CPED1: variants seen among roughly 807,000 people sequenced by gnomAD.
CPED1 encodes the protein cadherin-like and PC-esterase domain-containing protein 1.
Under a neutral mutation model 128.2 loss-of-function variants are expected in CPED1, and 114 were observed. The ratio of observed to expected loss-of-function variants is 0.89; its 90% CI spans 0.76 to 1.04. The LOEUF (loss-of-function observed/expected upper bound fraction) is 1.04. Among genes scored for constraint, CPED1 ranks in the 50% least tolerant of loss-of-function variants. CPED1 has a pLI of 0.00. For synonymous variants in CPED1, 462 were observed against 426.7 expected, an observed-to-expected ratio of 1.08 and a Z score of -1.02; for missense variants, 1,211 against 1,207.1, an observed-to-expected ratio of 1.00 and a Z score of -0.05.
At position 121,153,586 on chromosome 7, in the gene CPED1, A is replaced by G. The variant is rs546414071; in HGVS notation, c.2055+11445A>G. 5.3e-5 allele frequency among the ~76,000 whole-genome samples: 8 copies of G among 152,354 alleles called. No homozygotes were observed. In the South Asian group the frequency reaches 1.7e-3, roughly 32 times the overall value. On this transcript the variant is annotated intron_variant, in intron 16 of 22. Coordinates refer to ENST00000310396, the MANE Select transcript of CPED1 (RefSeq NM_024913.5). ...TTAATAACTCCCATTTCACAGATGA[A>G]TAAAAGGAGGCACAAAGAACTTGCC...
At position 121,167,822 on chromosome 7, in the gene CPED1, C is replaced by T. The variant is rs184790514; in HGVS notation, c.2055+25681C>T. ...TCTCGGCCCACTGCAAGCTCTGCCT[C>T]CCGGGTTCACGCCATTCTCCTGCCT... On this transcript the variant is annotated intron_variant, in intron 16 of 22. Transcript: ENST00000310396. Among the ~76,000 whole-genome samples, 474 of 150,038 alleles carry T rather than the reference C, an allele frequency of 3.2e-3. 1 individual carries two copies. The highest frequency in any genetic ancestry group is 0.011 in the African/African-American group (452 of 40,738).
intron 16 of CPED1, among the ~76,000 whole-genome samples, chr7:121,203,068 C>A (rs1797436564): frequency 6.6e-6 from 1 of 152,086 alleles, no homozygotes; most frequent in Admixed American, 6.6e-5. Context: ...ATATGACACA[C>A]CTGTCTCACC....
At position 121,133,897 on chromosome 7, in the gene CPED1, A is replaced by G. The variant is rs768544785; in HGVS notation, c.1648+4A>G. 5 of 1,517,594 alleles carry G rather than the reference A, an allele frequency of 3.3e-6. No individual in the cohort carries two copies. In the East Asian group the frequency reaches 9.1e-5, roughly 28 times the overall value. 94.0% of individuals were successfully genotyped at this position (1,517,594 alleles called of 1,614,324 possible). A position where few individuals can be genotyped will look rare whatever the true frequency, so the allele number is the denominator to read the frequency against. On this transcript the variant is annotated splice_donor_region_variant and intron_variant, in intron 13 of 22. Transcript: ENST00000310396. ...GATGCAATAGAAAATAAAAAAGGTA[A>G]AAATATAGATATTCCCACTTATTTC...
intron 16 of CPED1, among the ~76,000 whole-genome samples, chr7:121,180,911 C>T (rs934515603): frequency 6.6e-6 from 1 of 151,940 alleles, no homozygotes; most frequent in African/African-American, 2.4e-5. Context: ...CTGACAGGAT[C>T]GGATCAGGGT....
chr7:121,175,233 G>A (rs1299082681), intron 16 of CPED1, among the ~76,000 whole-genome samples: 9 of 152,016 alleles, frequency 5.9e-5, no homozygotes. Context: ...GATTGCTCTA[G>A]CTAGGACTTC....
chr7:121,222,112 T>C (rs989572399), intron 16 of CPED1, among the ~76,000 whole-genome samples: 2 of 152,084 alleles, frequency 1.3e-5, no homozygotes, highest in Admixed American at 6.6e-5. Flanking sequence ...GTCTTTAATC[T>C]GTCTTGAATT....
At chr7:121,143,163 T>G (rs1480569264) in intron 16 of CPED1, among the ~76,000 whole-genome samples, 2 of 152,030 alleles carry the variant, frequency 1.3e-5, no homozygotes, top group Non-Finnish European at 2.9e-5. Context: ...GTCTGAAGAT[T>G]CATTCAAAGA....
chr7:121,161,080 T>C (rs1796403319), intron 16 of CPED1, among the ~76,000 whole-genome samples: 1 of 152,184 alleles, frequency 6.6e-6, no homozygotes, highest in African/African-American at 2.4e-5. Flanking sequence ...ACTTTTTTTA[T>C]TGCTGTGCAA....
At chr7:121,098,251 A>C (rs1235253295) in intron 6 of CPED1, among the ~76,000 whole-genome samples, 1 of 152,126 alleles carries the variant, frequency 6.6e-6, no homozygotes, top group Admixed American at 6.6e-5. Flanking sequence ...AAGTTATCCA[A>C]GTTTTCTCCA....
chr7:121,258,175 G>A (rs943426309), intron 18 of CPED1, among the ~76,000 whole-genome samples: 1 of 152,070 alleles, frequency 6.6e-6, no homozygotes, highest in Non-Finnish European at 1.5e-5. Context: ...TTACCACAGA[G>A]TAGAGTCCAG....
intron 5 of CPED1, among the ~76,000 whole-genome samples, chr7:121,090,619 G>A (rs1401874887): frequency 1.3e-5 from 2 of 152,092 alleles, no homozygotes; most frequent in African/African-American, 2.4e-5. Flanking sequence ...TCTGGTCAAT[G>A]CTATTTGCAT....
chr7:121,274,624 C>T (rs1270332482), intron 22 of CPED1, among the ~76,000 whole-genome samples: 2 of 152,156 alleles, frequency 1.3e-5, no homozygotes, highest in African/African-American at 4.8e-5. Flanking sequence ...TGACTCCCTT[C>T]ATCATAAAGT....
In CPED1 at chr7:121,036,491, A is replaced by G. The variant is rs34193606; in HGVS notation, c.434-10396A>G. ...TTGGGTAGTATTCCATGGTGTGTGT[A>G]TATATATATATATATATTTTTTTTT... is the stretch of plus-strand genomic sequence containing the variant. On this transcript the variant is annotated intron_variant, in intron 3 of 22. Transcript: ENST00000310396. Among the ~76,000 whole-genome samples, 196 of 42,874 alleles carry G rather than the reference A, an allele frequency of 4.6e-3. 1 individual carries two copies. The highest frequency in any genetic ancestry group is 0.021 in the South Asian group (13 of 622). 28.1% of individuals were successfully genotyped at this position (42,874 alleles called of 152,430 possible).
intron 16 of CPED1, among the ~76,000 whole-genome samples, chr7:121,219,697 G>T (rs1797835465): frequency 6.6e-6 from 1 of 151,968 alleles, no homozygotes; most frequent in Non-Finnish European, 1.5e-5. Context: ...TTACTAGGTG[G>T]ATTCTAATGT....
chr7:121,000,282 G>A (rs555990494), intron 2 of CPED1, among the ~76,000 whole-genome samples: 1 of 152,084 alleles, frequency 6.6e-6, no homozygotes, highest in South Asian at 2.1e-4. Context: ...AAATTTGCAA[G>A]GTAAACAGAA....
intron 16 of CPED1, among the ~76,000 whole-genome samples, chr7:121,234,433 A>G (rs997207262): frequency 3.9e-5 from 6 of 152,082 alleles, no homozygotes; most frequent in Non-Finnish European, 8.8e-5. Flanking sequence ...TTTAGATGAC[A>G]TTATAGCATA....
At position 121,142,051 on chromosome 7, in the gene CPED1, G is replaced by C; in HGVS notation, c.1965G>C (p.Glu655Asp). The change falls in exon 16 of 23, where the codon GAG (glutamate) becomes GAC (aspartate). Residue 655 changes from glutamate to aspartate, a missense_variant. Glu to Asp is a conservative substitution (Grantham distance 45). Transcript: ENST00000310396. Reference protein sequence around the residue: ...FVVDESPAHGETLITYKLTIY... With the variant: ...FVVDESPAHGDTLITYKLTIY... ...TGGATGAATCTCCAGCACACGGTGA[G>C]ACTCTGATCACGTACAAACTCACCA... 6.2e-7 allele frequency: 1 copy of C among 1,612,850 alleles called. No individual in the cohort carries two copies. The highest frequency in any genetic ancestry group is 8.5e-7 in the Non-Finnish European group (1 of 1,179,154).
chr7:121,031,536 C>A (rs1049217417), intron 3 of CPED1, among the ~76,000 whole-genome samples: 3 of 152,160 alleles, frequency 2.0e-5, no homozygotes, highest in Non-Finnish European at 4.4e-5. Flanking sequence ...AATCCACTCG[C>A]CTTGGCCTCC....
chr7:121,119,594 G>A (rs765466516), intron 7 of CPED1, among the ~76,000 whole-genome samples: 2 of 151,064 alleles, frequency 1.3e-5, no homozygotes, highest in African/African-American at 4.9e-5. Context: ...GGGAGGCCGA[G>A]GCGGGCGGAT....
Sources: allele counts gnomAD v4.1 joint callset (sites outside exome capture counted in the v4.1 genomes callset), GRCh38; gene constraint gnomAD v4.1.1; transcripts MANE v1.5; gene names NCBI Gene and HGNC (gene_info 2026-07-23, HGNC 2026-07-21).